AQP2: variants seen among roughly 807,000 people sequenced by gnomAD.
AQP2 encodes the protein aquaporin 2.
In AQP2, 20 loss-of-function variants were observed where a neutral mutation model predicts 21.6. The ratio of observed to expected loss-of-function variants is 0.92; its 90% CI spans 0.65 to 1.34. The LOEUF is 1.34. Among genes scored for constraint, AQP2 ranks in the 40% most tolerant of loss-of-function variants. AQP2 has a pLI of 0.00. For missense variants in AQP2, 325 were observed against 363.4 expected (o/e 0.89, Z 0.86); for synonymous variants, 168 against 166.9 (o/e 1.01, Z -0.05).
At chr12:49,955,198 C>T (rs1274517431) in intron 3 of AQP2, among the ~76,000 whole-genome samples, 1 of 152,232 alleles carries the variant, frequency 6.6e-6, no homozygotes, top group Non-Finnish European at 1.5e-5. Context: ...CAGGCAGTGG[C>T]TTCAGAATTC....
Position 49,955,742 on chromosome 12 carries a change from G to A in AQP2, c.*134G>A, listed in dbSNP as rs1252822739. ...GAGTAGCTGCTTCCTGGACGTGCGC[G>A]CCCAGGCCAGTGCTGTGAGCAGGCG... On this transcript the variant is annotated 3_prime_UTR_variant, in exon 4 of 4. Transcript: ENST00000199280. The A allele has an allele frequency of 8.4e-7, 1 of 1,189,056 alleles. No homozygotes were observed. Among genetic ancestry groups the A allele is most frequent in the South Asian group, 1.3e-5 (1 of 76,200 alleles). The allele number at this position is 1,189,056 out of a possible 1,614,324, so 73.7% of individuals were successfully genotyped here. A position where few individuals can be genotyped will look rare whatever the true frequency, so the allele number is the denominator to read the frequency against.
In AQP2 at chr12:49,950,819, G is replaced by T; in HGVS notation, c.-12G>T. 1 of 1,607,128 alleles carries T rather than the reference G, an allele frequency of 6.2e-7. No homozygotes were observed. Among genetic ancestry groups the T allele is most frequent in the African/African-American group, 1.3e-5 (1 of 74,944 alleles). On this transcript the variant is annotated 5_prime_UTR_variant, in exon 1 of 4. The change creates a new upstream start codon in the 5' untranslated region. Transcript: ENST00000199280. ...CTGAGACAGCTGGGCCAGCCCCGCA[G>T]GGCTCTGCAGCATGTGGGAGCTCCG...
At chr12:49,951,212 A>G (rs1947327393) in intron 1 of AQP2, 22 bp downstream of exon 1, 1 of 1,597,968 alleles carries the variant, frequency 6.3e-7, no homozygotes, top group South Asian at 1.1e-5. Flanking sequence ...CAACTTTGCC[A>G]TCCACAAGGG....
chr12:49,954,833 G>C, intron 3 of AQP2, 123 bp downstream of exon 3: 1 of 1,141,454 alleles, frequency 8.8e-7, no homozygotes, highest in Non-Finnish European at 1.3e-6. Context: ...CACTCCTCCT[G>C]GTCCTGGGGA....
At position 49,955,502 on chromosome 12, in the gene AQP2, T is replaced by C. The variant is rs1328020134; in HGVS notation, c.710T>C (p.Leu237Pro). ...AGCCTGTCGGAGCGCCTGGCAGTGCTGAAGGGCCTGGAGCCGGACACCGAT... is the reference window on the plus strand; with the variant it reads ...AGCCTGTCGGAGCGCCTGGCAGTGCCGAAGGGCCTGGAGCCGGACACCGAT... ...AKSLSERLAV[L>P]KGLEPDTDWE... The change falls in exon 4 of 4, where the codon CTG (leucine) becomes CCG (proline). Residue 237 changes from leucine to proline, a missense_variant. Coordinates refer to ENST00000199280, the MANE Select transcript of AQP2 (RefSeq NM_000486.6). 2 of 1,612,656 alleles carry C rather than the reference T, an allele frequency of 1.2e-6. No individual in the cohort carries two copies. Among genetic ancestry groups the C allele is most frequent in the African/African-American group, 2.7e-5 (2 of 75,038 alleles).
Position 49,950,964 on chromosome 12 carries a change from C to G in AQP2, c.134C>G (p.Ala45Gly), listed in dbSNP as rs1284823222. 4.3e-6 allele frequency: 7 copies of G among 1,614,116 alleles called. No individual in the cohort carries two copies. In the East Asian group the frequency reaches 1.6e-4, roughly 36 times the overall value. ...GCCCTGCCCTCTGTGCTACAGATTG[C>G]CATGGCGTTTGGCTTGGGTATTGGC... ...PQALPSVLQI[A>G]MAFGLGIGTL... Residue 45 changes from alanine to glycine, a missense_variant, in exon 1 of 4, where the codon GCC becomes GGC. Physicochemically the swap from Ala to Gly is moderately conservative, Grantham distance 60. Transcript: ENST00000199280.
chr12:49,955,704 GC>G lies in AQP2; in HGVS notation c.*102del. The G allele has an allele frequency of 2.1e-6, 3 of 1,429,286 alleles. No homozygotes were observed. Among genetic ancestry groups the G allele is most frequent in the Admixed American group, 2.0e-5 (1 of 50,434 alleles). 88.5% of individuals were successfully genotyped at this position (1,429,286 alleles called of 1,614,324 possible). On this transcript the variant is annotated 3_prime_UTR_variant, in exon 4 of 4. Coordinates refer to ENST00000199280, the MANE Select transcript of AQP2 (RefSeq NM_000486.6). The stretch of plus-strand genomic sequence containing the variant: ...CTCCTCTCCCGCAGGTCTGAAGTTG[GC>G]CCCCCAGCGCAGAGTAGCTGCTTCC...
intron 1 of AQP2, among the ~76,000 whole-genome samples, chr12:49,953,544 G>A (rs1159952508): frequency 6.6e-6 from 1 of 152,176 alleles, no homozygotes; most frequent in Non-Finnish European, 1.5e-5. Context: ...GGATGTGCAG[G>A]GAGCAAACTA....
chr12:49,955,381 C>G lies in AQP2; in HGVS notation c.607-18C>G, dbSNP rs1335351944. 6.2e-7 allele frequency: 1 copy of G among 1,609,672 alleles called. No homozygotes were observed. Among genetic ancestry groups the G allele is most frequent in the Non-Finnish European group, 8.5e-7 (1 of 1,178,052 alleles). On this transcript the variant is annotated intron_variant, in intron 3 of 3. Coordinates refer to ENST00000199280, the MANE Select transcript of AQP2 (RefSeq NM_000486.6). ...GTGCCGGCGCGGGTGCCAAGCCGCC[C>G]TCTCCGCTCGCCCCCAGGTCTTCTG... is the stretch of plus-strand genomic sequence containing the variant.
In AQP2 at chr12:49,956,600, C is replaced by G. The variant is rs1268310344; in HGVS notation, c.*992C>G. ...GAAAACAAAAGCCCTTTGTGGGACCCGGGCCTTTGTCTTGGGTGAGGGGAG... is the reference window on the plus strand; with the variant it reads ...GAAAACAAAAGCCCTTTGTGGGACCGGGGCCTTTGTCTTGGGTGAGGGGAG... On this transcript the variant is annotated 3_prime_UTR_variant, in exon 4 of 4. Transcript: ENST00000199280. 1 of 152,132 alleles carries G rather than the reference C, an allele frequency of 6.6e-6. No individual in the cohort carries two copies. The highest frequency in any genetic ancestry group is 2.4e-5 in the African/African-American group (1 of 41,406). The allele number at this position is 152,132 out of a possible 1,614,324, so 9.4% of individuals were successfully genotyped here.
intron 1 of AQP2, chr12:49,952,107 C>A (rs565511821): frequency 6.6e-6 from 1 of 152,490 alleles, no homozygotes; most frequent in South Asian, 2.1e-4. Context: ...CAGAGGTATC[C>A]CAATTAGGGA....
chr12:49,955,956 T>C lies in AQP2; in HGVS notation c.*348T>C, dbSNP rs1046929314. ...CTGCACCCAGGTACTGAGTGGGGAG[T>C]GTACAGACCCCTGCCTTGGGGGTTC... On this transcript the variant is annotated 3_prime_UTR_variant, in exon 4 of 4. Coordinates refer to ENST00000199280, the MANE Select transcript of AQP2 (RefSeq NM_000486.6). 11 of 488,906 alleles carry C rather than the reference T, an allele frequency of 2.2e-5. No homozygotes were observed. Among genetic ancestry groups the C allele is most frequent in the Non-Finnish European group, 3.8e-5 (10 of 266,384 alleles). The allele number at this position is 488,906 out of a possible 1,614,324, so 30.3% of individuals were successfully genotyped here. A position where few individuals can be genotyped will look rare whatever the true frequency, so the allele number is the denominator to read the frequency against.
chr12:49,952,678 G>A (rs967250563), intron 1 of AQP2, among the ~76,000 whole-genome samples: 1 of 152,238 alleles, frequency 6.6e-6, no homozygotes, highest in African/African-American at 2.4e-5. Flanking sequence ...GCCCTCAGAA[G>A]AGAAAGGTCT....
rs1335118646 is a variant in AQP2 at position 49,958,644 on chromosome 12, T to C, written c.*3036T>C. 1 of 152,208 alleles carries C rather than the reference T, an allele frequency of 6.6e-6. No homozygotes were observed. The highest frequency in any genetic ancestry group is 3.2e-3 in the Middle Eastern group (1 of 316). The allele number at this position is 152,208 out of a possible 1,614,324, so 9.4% of individuals were successfully genotyped here. On this transcript the variant is annotated 3_prime_UTR_variant, in exon 4 of 4. Transcript: ENST00000199280. Reference sequence around the variant, plus strand: ...GTCCCTAAGCTGGGGACAGAGAAGGTTCTGAGCTGTCCCATACTCCCACTT... The same window carrying C: ...GTCCCTAAGCTGGGGACAGAGAAGGCTCTGAGCTGTCCCATACTCCCACTT...
At chr12:49,954,031 G>A (rs769928057) in intron 1 of AQP2, 124 bp from the exon 2 acceptor site, 74 of 1,357,218 alleles carry the variant, frequency 5.5e-5, no homozygotes, top group Admixed American at 3.5e-4. Context: ...CGTCTGGCAA[G>A]CCCAGGTGTT....
Position 49,958,283 on chromosome 12 carries a change from A to C in AQP2, c.*2675A>C, listed in dbSNP as rs1438451482. ...TTTACAGATTCAGAAACCAAGGCTAAGGGACTGGTCTAAAGTCTCACAGGT... is the reference window on the plus strand; with the variant it reads ...TTTACAGATTCAGAAACCAAGGCTACGGGACTGGTCTAAAGTCTCACAGGT... On this transcript the variant is annotated 3_prime_UTR_variant, in exon 4 of 4. Transcript: ENST00000199280. 1 of 152,278 alleles carries C rather than the reference A, an allele frequency of 6.6e-6. No individual in the cohort carries two copies. The highest frequency in any genetic ancestry group is 1.5e-5 in the Non-Finnish European group (1 of 68,062). 9.4% of individuals were successfully genotyped at this position (152,278 alleles called of 1,614,324 possible).
intron 1 of AQP2, among the ~76,000 whole-genome samples, chr12:49,952,659 C>T (rs1013813449): frequency 6.6e-6 from 1 of 152,250 alleles, no homozygotes; most frequent in Admixed American, 6.5e-5. Context: ...CATTTCACAA[C>T]TGACTGGGGC....
Position 49,955,414 on chromosome 12 carries a change from C to A in AQP2, c.622C>A (p.Pro208Thr), listed in dbSNP as rs1163056099. 6 of 1,612,614 alleles carry A rather than the reference C, an allele frequency of 3.7e-6. No individual in the cohort carries two copies. The highest frequency in any genetic ancestry group is 2.2e-5 in the East Asian group (1 of 44,866). ...FDDHWVFWIGPLVGAILGSLL... is the reference protein window; with the variant it reads ...FDDHWVFWIGTLVGAILGSLL... ...TCGCCCCCAGGTCTTCTGGATCGGA[C>A]CCCTGGTGGGCGCCATCCTGGGCTC... The change falls in exon 4 of 4, where the codon CCC becomes ACC. Residue 208 changes from proline (P) to threonine (T), a missense_variant. Physicochemically the swap from Pro to Thr is conservative, Grantham distance 38. Coordinates refer to ENST00000199280, the MANE Select transcript of AQP2 (RefSeq NM_000486.6).
Position 49,951,540 on chromosome 12 carries a change from C to T in AQP2, c.360+350C>T, listed in dbSNP as rs563377708. ...CCGAGCAGACATGCTTTCCAAGCTGCGGGGAGCCTTGGAGTGATCATCACA... is the reference window on the plus strand; with the variant it reads ...CCGAGCAGACATGCTTTCCAAGCTGTGGGGAGCCTTGGAGTGATCATCACA... On this transcript the variant is annotated intron_variant, in intron 1 of 3. Transcript: ENST00000199280. The T allele has an allele frequency of 4.5e-5, 14 of 308,778 alleles. 1 individual carries two copies. The highest frequency in any genetic ancestry group is 8.1e-5 in the South Asian group (1 of 12,360). The allele number at this position is 308,778 out of a possible 1,614,324, so 19.1% of individuals were successfully genotyped here. A position where few individuals can be genotyped will look rare whatever the true frequency, so the allele number is the denominator to read the frequency against.
Sources: allele counts gnomAD v4.1 joint callset (sites outside exome capture counted in the v4.1 genomes callset), GRCh38; gene constraint gnomAD v4.1.1; transcripts MANE v1.5; gene names NCBI Gene and HGNC (gene_info 2026-07-23, HGNC 2026-07-21).